The following MLLT3 variants were observed in gnomAD, a reference collection of about 807,000 sequenced individuals.
The protein encoded by MLLT3 is protein AF-9.
A neutral mutation model predicts 53.2 loss-of-function variants in MLLT3; 4 were observed. That is an observed-to-expected ratio of 0.08 (90% CI 0.04 to 0.17). MLLT3 has a LOEUF of 0.17. Ranked by LOEUF, MLLT3 falls within the 10% of genes least tolerant of loss-of-function variation. MLLT3 has a pLI of 1.00. For missense variants in MLLT3, 569 were observed against 684.0 expected (o/e 0.83, Z 1.87); for synonymous variants, 283 against 230.6 (o/e 1.23, Z -2.06).
chr9:20,350,594 C>CAAAAAAAAAAAAAAA, intron 10 of MLLT3, among the ~76,000 whole-genome samples: 1 of 123,982 alleles, frequency 8.1e-6, no homozygotes, highest in African/African-American at 4.2e-5. Flanking sequence ...GACTCCGTCT[C>CAAAAAAAAAAAAAAA]AAAAAAAGAA....
chr9:20,580,828 A>G (rs757278410), intron 2 of MLLT3, among the ~76,000 whole-genome samples: 3 of 152,148 alleles, frequency 2.0e-5, no homozygotes, highest in Non-Finnish European at 2.9e-5. Context: ...TAAGGAGAGC[A>G]CCCCTCCCTC....
intron 2 of MLLT3, among the ~76,000 whole-genome samples, chr9:20,521,699 T>C (rs910211938): frequency 6.6e-6 from 1 of 152,188 alleles, no homozygotes; most frequent in Admixed American, 6.5e-5. Flanking sequence ...TCTCAAGTAA[T>C]GCATGAAAAA....
intron 2 of MLLT3, among the ~76,000 whole-genome samples, chr9:20,572,343 AGAG>A (rs1257308895): frequency 6.6e-6 from 1 of 152,190 alleles, no homozygotes; most frequent in Non-Finnish European, 1.5e-5. Context: ...AAAATTGCTG[AGAG>A]AGTAGATATT....
intron 2 of MLLT3, among the ~76,000 whole-genome samples, chr9:20,500,138 T>A (rs1239814284): frequency 6.6e-6 from 1 of 152,222 alleles, no homozygotes; most frequent in African/African-American, 2.4e-5. Context: ...CAGAAAGGTT[T>A]GATTGTGTGG....
At chr9:20,444,506 T>C (rs1377658616) in intron 4 of MLLT3, among the ~76,000 whole-genome samples, 1 of 152,072 alleles carries the variant, frequency 6.6e-6, no homozygotes, top group East Asian at 1.9e-4. Flanking sequence ...TAAATATGAA[T>C]AATAATTTTT....
intron 5 of MLLT3, chr9:20,380,388 C>A (rs1044649088): frequency 6.6e-6 from 1 of 151,892 alleles, no homozygotes; most frequent in African/African-American, 2.4e-5. Flanking sequence ...GGTTAGGGAT[C>A]GTTTCTGAAT....
At chr9:20,349,337 C>G (rs1820952795) in intron 10 of MLLT3, among the ~76,000 whole-genome samples, 1 of 152,046 alleles carries the variant, frequency 6.6e-6, no homozygotes, top group Non-Finnish European at 1.5e-5. Context: ...TAAATTGCTA[C>G]CTAAGTCAGG....
intron 4 of MLLT3, among the ~76,000 whole-genome samples, chr9:20,438,326 G>A (rs1440721635): frequency 1.3e-5 from 2 of 152,190 alleles, no homozygotes; most frequent in Non-Finnish European, 2.9e-5. Context: ...CCAATGGGAT[G>A]AGGATTAGCT....
chr9:20,573,841 A>G (rs1374774669), intron 2 of MLLT3, among the ~76,000 whole-genome samples: 2 of 152,174 alleles, frequency 1.3e-5, no homozygotes, highest in East Asian at 3.8e-4. Context: ...CAAAACCCAA[A>G]ACTATAAATT....
rs759775877 is a variant in MLLT3 at position 20,346,431 on chromosome 9, G to C, written c.*12C>G. 8.8e-6 allele frequency: 14 copies of C among 1,585,922 alleles called. No individual in the cohort carries two copies. Among genetic ancestry groups the C allele is most frequent in the African/African-American group, 1.4e-5 (1 of 72,452 alleles). The stretch of plus-strand genomic sequence containing the variant: ...AACACAATAGTTCTTGATGCATCCA[G>C]TTGTTATATCCTCAGGATGTTCCAG... On this transcript the variant is annotated 3_prime_UTR_variant, in exon 11 of 11. Transcript: ENST00000380338.
At chr9:20,531,903 G>A (rs918765023) in intron 2 of MLLT3, among the ~76,000 whole-genome samples, 1 of 151,396 alleles carries the variant, frequency 6.6e-6, no homozygotes, top group African/African-American at 2.4e-5. Flanking sequence ...AAACTAAAAT[G>A]AAAATTTTTA....
Position 20,465,535 on chromosome 9 carries a change from A to G in MLLT3, c.194-8749T>C, listed in dbSNP as rs148199188. Among the ~76,000 whole-genome samples the G allele has an allele frequency of 1.2e-3, 179 of 152,322 alleles. 3 individuals are homozygous for G. The highest frequency in any genetic ancestry group is 4.2e-3 in the African/African-American group (173 of 41,588). On this transcript the variant is annotated intron_variant, in intron 2 of 10. Coordinates refer to ENST00000380338, the MANE Select transcript of MLLT3 (RefSeq NM_004529.4). Reference sequence around the variant, plus strand: ...TAGAAATGGCAATGTGTTATAAAATAATCAAATATAATAAATCAAAATTAA... The same window carrying G: ...TAGAAATGGCAATGTGTTATAAAATGATCAAATATAATAAATCAAAATTAA...
At chr9:20,408,284 A>G (rs1344343374) in intron 5 of MLLT3, among the ~76,000 whole-genome samples, 1 of 151,610 alleles carries the variant, frequency 6.6e-6, no homozygotes, top group Non-Finnish European at 1.5e-5. Flanking sequence ...TTTTTTTTTA[A>G]TCTCCTTTTT....
At chr9:20,534,964 T>C (rs1025213494) in intron 2 of MLLT3, among the ~76,000 whole-genome samples, 1 of 152,098 alleles carries the variant, frequency 6.6e-6, no homozygotes, top group Admixed American at 6.5e-5. Flanking sequence ...ACCAAAGACA[T>C]GAACTAATCA....
At chr9:20,351,957 G>C (rs1167301620) in intron 10 of MLLT3, among the ~76,000 whole-genome samples, 1 of 152,204 alleles carries the variant, frequency 6.6e-6, no homozygotes, top group Non-Finnish European at 1.5e-5. Flanking sequence ...AATGCAATTA[G>C]GGTGAAATGC....
Position 20,342,575 on chromosome 9 carries a change from C to T in MLLT3, c.*3868G>A, listed in dbSNP as rs1304375735. The T allele has an allele frequency of 4.5e-6, 1 of 219,840 alleles. No individual in the cohort carries two copies. The allele number at this position is 219,840 out of a possible 1,614,324, so 13.6% of individuals were successfully genotyped here. A position where few individuals can be genotyped will look rare whatever the true frequency, so the allele number is the denominator to read the frequency against. The stretch of plus-strand genomic sequence containing the variant: ...AAAATACACATTTACAGTTTACAGA[C>T]AGCGGTGGCTTTGTCTTCCTTTTAA... On this transcript the variant is annotated 3_prime_UTR_variant, in exon 11 of 11. Transcript: ENST00000380338.
chr9:20,354,421 T>C (rs1821113463), intron 9 of MLLT3, among the ~76,000 whole-genome samples: 1 of 152,184 alleles, frequency 6.6e-6, no homozygotes, highest in Admixed American at 6.5e-5. Context: ...CCACCAGGTG[T>C]TGTAGTCAGG....
intron 2 of MLLT3, among the ~76,000 whole-genome samples, chr9:20,521,458 A>ATGTGTGTG (rs34711683): frequency 1.5e-3 from 219 of 148,636 alleles, no homozygotes; most frequent in East Asian, 0.013. Context: ...GTGTGTGTAT[A>ATGTGTGTG]TGTGTGTGTG....
intron 2 of MLLT3, among the ~76,000 whole-genome samples, chr9:20,499,424 A>C (rs548957321): frequency 6.6e-6 from 1 of 152,192 alleles, no homozygotes; most frequent in African/African-American, 2.4e-5. Context: ...GAGGGTACAC[A>C]GGATATTTCT....
Sources: gnomAD v4.1 joint callset for allele counts (sites outside exome capture counted in the v4.1 genomes callset) on GRCh38, gnomAD v4.1.1 for gene constraint, MANE v1.5 for transcripts, NCBI Gene and HGNC (gene_info 2026-07-23, HGNC 2026-07-21) for gene names.